GALNT13: variants seen among roughly 807,000 people sequenced by gnomAD.
GALNT13 encodes polypeptide N-acetylgalactosaminyltransferase 13, also known as UDP-GalNAc:polypeptide N-acetylgalactosaminyltransferase 13.
In GALNT13, 28 loss-of-function variants were observed where a neutral mutation model predicts 64.2. That is an observed-to-expected ratio of 0.44 (90% CI 0.32 to 0.60). The LOEUF (loss-of-function observed/expected upper bound fraction) is 0.60. Ranked by LOEUF, GALNT13 falls within the 20% of genes least tolerant of loss-of-function variation. The probability of loss-of-function intolerance (pLI) is 0.05; values close to 1 mark genes in which losing one functional copy is unlikely to be tolerated. For missense variants in GALNT13, 577 were observed against 669.8 expected (o/e 0.86, Z 1.53); for synonymous variants, 214 against 224.6 (o/e 0.95, Z 0.42).
intron 4 of GALNT13, among the ~76,000 whole-genome samples, chr2:154,239,842 T>TA (rs1056316963): frequency 6.6e-6 from 1 of 152,186 alleles, no homozygotes; most frequent in Non-Finnish European, 1.5e-5. Context: ...TAGACGGTTT[T>TA]AAAAAATAAT....
chr2:153,998,158 T>G (rs745868927), intron 3 of GALNT13, among the ~76,000 whole-genome samples: 1 of 152,104 alleles, frequency 6.6e-6, no homozygotes, highest in East Asian at 1.9e-4. Flanking sequence ...GGTATATATC[T>G]AGTAATGGGA....
chr2:153,445,224 G>T, the GALNT13 span, among the ~76,000 whole-genome samples: 2 of 151,960 alleles, frequency 1.3e-5, no homozygotes, highest in Non-Finnish European at 2.9e-5. Context: ...AACTTTTTCA[G>T]CTATAAACAA....
intron 3 of GALNT13, among the ~76,000 whole-genome samples, chr2:154,008,381 CT>C (rs1248483909): frequency 6.6e-6 from 1 of 152,108 alleles, no homozygotes; most frequent in Admixed American, 6.5e-5. Flanking sequence ...TATATTACCA[CT>C]TGTGCTAACA....
At chr2:154,125,872 G>A (rs907518856) in intron 3 of GALNT13, among the ~76,000 whole-genome samples, 3 of 152,040 alleles carry the variant, frequency 2.0e-5, no homozygotes, top group African/African-American at 7.2e-5. Flanking sequence ...AAAGTCCCAG[G>A]AAAAAATCTT....
At chr2:153,862,676 C>T in the GALNT13 span, among the ~76,000 whole-genome samples, 519 of 151,786 alleles carry the variant, frequency 3.4e-3, 3 homozygotes, top group African/African-American at 0.012. Flanking sequence ...ATTTGTAAAA[C>T]GCTTTATATT....
chr2:153,888,340 A>T (rs1687324604), intron 1 of GALNT13, among the ~76,000 whole-genome samples: 1 of 152,048 alleles, frequency 6.6e-6, no homozygotes, highest in Non-Finnish European at 1.5e-5. Flanking sequence ...GTTATTTTTA[A>T]AAATGGTGGT....
the GALNT13 span, among the ~76,000 whole-genome samples, chr2:153,606,152 T>C: frequency 6.6e-6 from 1 of 152,140 alleles, no homozygotes; most frequent in Non-Finnish European, 1.5e-5. Flanking sequence ...ACATATGTCA[T>C]CATCAAATAG....
At chr2:153,357,461 G>A in the GALNT13 span, 1 of 151,990 alleles carries the variant, frequency 6.6e-6, no homozygotes, top group East Asian at 1.9e-4. Flanking sequence ...TCCAAAATTG[G>A]CAAGATGGAA....
chr2:153,478,794 G>C, the GALNT13 span: 1 of 471,048 alleles, frequency 2.1e-6, no homozygotes, highest in Non-Finnish European at 3.8e-6. Context: ...GGTGGTGCTC[G>C]TTCCCGGCGC....
chr2:153,505,078 G>C, the GALNT13 span, among the ~76,000 whole-genome samples: 1 of 152,100 alleles, frequency 6.6e-6, no homozygotes, highest in Non-Finnish European at 1.5e-5. Flanking sequence ...GGCCTGTTCA[G>C]AGTTCTATAT....
chr2:154,192,105 A>G (rs965880313), intron 4 of GALNT13, among the ~76,000 whole-genome samples: 5 of 152,062 alleles, frequency 3.3e-5, no homozygotes, highest in African/African-American at 1.2e-4. Flanking sequence ...CTCTCCTCCA[A>G]CCGCCCCGGG....
At chr2:154,008,531 C>G (rs1228400864) in intron 3 of GALNT13, among the ~76,000 whole-genome samples, 1 of 151,796 alleles carries the variant, frequency 6.6e-6, no homozygotes, top group African/African-American at 2.4e-5. Flanking sequence ...TTTAATCACC[C>G]AGGTAATAAG....
At chr2:153,321,972 T>TTGTGTGTGTGTG in the GALNT13 span, among the ~76,000 whole-genome samples, 1,049 of 149,304 alleles carry the variant, frequency 7.0e-3, 10 homozygotes, top group African/African-American at 0.017. Context: ...GTGTGTAAAG[T>TTGTGTGTGTGTG]TGTGTGTGTG....
chr2:153,861,608 C>T, the GALNT13 span, among the ~76,000 whole-genome samples: 1 of 139,914 alleles, frequency 7.1e-6, no homozygotes, highest in African/African-American at 2.7e-5. Flanking sequence ...CTGTTGTCGC[C>T]CAGGCTGGAG....
At chr2:153,377,892 T>C in the GALNT13 span, among the ~76,000 whole-genome samples, 5 of 152,126 alleles carry the variant, frequency 3.3e-5, no homozygotes, top group African/African-American at 1.2e-4. Flanking sequence ...CAAATTACTT[T>C]TCTTAAATAT....
chr2:153,646,778 A>G, the GALNT13 span, among the ~76,000 whole-genome samples: 1 of 152,018 alleles, frequency 6.6e-6, no homozygotes, highest in South Asian at 2.1e-4. Context: ...CCATGTCCCT[A>G]CAAAGGACAT....
intron 1 of GALNT13, among the ~76,000 whole-genome samples, chr2:153,891,268 A>G (rs1174188667): frequency 6.6e-6 from 1 of 152,044 alleles, no homozygotes; most frequent in Admixed American, 6.6e-5. Context: ...TGCAGGCCAA[A>G]AAGGATTTAG....
At chr2:153,893,927 C>T (rs926590102) in intron 1 of GALNT13, among the ~76,000 whole-genome samples, 5 of 152,012 alleles carry the variant, frequency 3.3e-5, no homozygotes, top group Non-Finnish European at 7.4e-5. Context: ...AGCATTTCTT[C>T]AGAAACTAGG....
At position 154,242,073 on chromosome 2, in the gene GALNT13, G is replaced by A. The variant is rs1445317023; in HGVS notation, c.355G>A (p.Val119Ile). The change falls in exon 5 of 13, where the codon GTA (valine) becomes ATA (isoleucine). Residue 119 changes from valine to isoleucine, a missense_variant. Coordinates refer to ENST00000392825, the MANE Select transcript of GALNT13 (RefSeq NM_052917.4). Reference sequence around the variant, plus strand: ...CCCTGATGAACTTCCAAACACAAGTGTAGTCATTGTGTTTCATAATGAAGC... The same window carrying A: ...CCCTGATGAACTTCCAAACACAAGTATAGTCATTGTGTTTCATAATGAAGC... ...VYPDELPNTSVVIVFHNEAWS... is the reference protein window; with the variant it reads ...VYPDELPNTSIVIVFHNEAWS... 1 of 1,608,940 alleles carries A rather than the reference G, an allele frequency of 6.2e-7. No homozygotes were observed. Among genetic ancestry groups the A allele is most frequent in the Non-Finnish European group, 8.5e-7 (1 of 1,176,214 alleles).
Sources: allele counts gnomAD v4.1 joint callset (sites outside exome capture counted in the v4.1 genomes callset), GRCh38; gene constraint gnomAD v4.1.1; transcripts MANE v1.5; gene names NCBI Gene and HGNC (gene_info 2026-07-23, HGNC 2026-07-21).